CSF2RB: variants seen among roughly 807,000 people sequenced by gnomAD.
The protein encoded by CSF2RB is colony stimulating factor 2 receptor subunit beta, also known as cytokine receptor common subunit beta.
In CSF2RB, 22 loss-of-function variants were observed where a neutral mutation model predicts 67.2. That is an observed-to-expected ratio of 0.33 (90% confidence interval 0.23 to 0.47). The LOEUF is 0.47. Among genes scored for constraint, CSF2RB ranks in the 20% least tolerant of loss-of-function variants. The pLI is 1.00. For synonymous variants in CSF2RB, 507 were observed against 482.9 expected, an observed-to-expected ratio of 1.05 and a Z score of -0.65; for missense variants, 1,113 against 1,174.5, an observed-to-expected ratio of 0.95 and a Z score of 0.76.
In CSF2RB at chr22:36,939,557, T is replaced by C; in HGVS notation, c.*1055T>C. The stretch of plus-strand genomic sequence containing the variant: ...TTCAGATACAGGAAAAATAATGGCA[T>C]TAAATTGCTTTAATTTGCATTATTT... On this transcript the variant is annotated 3_prime_UTR_variant, in exon 14 of 14. Transcript: ENST00000403662. 3.5e-6 allele frequency: 1 copy of C among 286,728 alleles called. No individual in the cohort carries two copies. The allele number at this position is 286,728 out of a possible 1,614,324, so 17.8% of individuals were successfully genotyped here. A position where few individuals can be genotyped will look rare whatever the true frequency, so the allele number is the denominator to read the frequency against.
rs992036433 is a variant in CSF2RB, at chr22:36,930,021, C to T, written c.718+214C>T. 4.6e-5 allele frequency among the ~76,000 whole-genome samples: 7 copies of T among 152,222 alleles called. No individual in the cohort carries two copies. The East Asian group carries it at 5.8e-4, about 13-fold the overall frequency. On this transcript the variant is annotated intron_variant, in intron 6 of 13. Coordinates refer to ENST00000403662, the MANE Select transcript of CSF2RB (RefSeq NM_000395.3). ...CACTTTGGGTTTCCAGTTTTCTGCACGTTCTCTGCCAATGGCAATTACAAT... is the reference window on the plus strand; with the variant it reads ...CACTTTGGGTTTCCAGTTTTCTGCATGTTCTCTGCCAATGGCAATTACAAT...
rs201530975 is a variant in CSF2RB, at chr22:36,937,564, A to G, written c.1756A>G (p.Ser586Gly). 4 of 1,612,236 alleles carry G rather than the reference A, an allele frequency of 2.5e-6. No individual in the cohort carries two copies. Among genetic ancestry groups the G allele is most frequent in the Admixed American group, 3.3e-5 (2 of 59,746 alleles). The change falls in exon 14 of 14, where the codon AGC (serine) becomes GGC (glycine). Residue 586 changes from serine (S) to glycine (G), a missense_variant. This residue lies in a region of CSF2RB where 554 missense variants were observed against 517.9 expected (regional missense o/e 1.07). Transcript: ENST00000403662. This position sits in a 1 kb window ranked among gnomAD's most constrained non-coding sequence, Gnocchi z 4.6. ...CCACACACCTGAGAAACAGGCTTCC[A>G]GCTTTGACTTCAATGGGCCCTACCT... ...ASHTPEKQAS[S>G]FDFNGPYLGP...
At chr22:36,928,534 T>C (rs1241210629) in intron 4 of CSF2RB, among the ~76,000 whole-genome samples, 1 of 152,310 alleles carries the variant, frequency 6.6e-6, no homozygotes, top group East Asian at 1.9e-4. Flanking sequence ...ATCCTATGTG[T>C]GAGGATGTTT....
chr22:36,923,434 G>T, intron 3 of CSF2RB, 67 bp downstream of exon 3: 1 of 1,579,256 alleles, frequency 6.3e-7, no homozygotes, highest in South Asian at 1.1e-5. Flanking sequence ...GGCATGGGGC[G>T]ACAGTGTAGA....
chr22:36,922,792 A>G lies in CSF2RB; in HGVS notation c.77-452A>G, dbSNP rs573758743. On this transcript the variant is annotated intron_variant, in intron 2 of 13. Coordinates refer to ENST00000403662, the MANE Select transcript of CSF2RB (RefSeq NM_000395.3). ...GCTTCTGTGATAATGCTGGGACCAC[A>G]GTCCCCTTAACAAATACCAGGCTCC... 4.5e-4 allele frequency: 131 copies of G among 290,786 alleles called. 1 individual carries two copies. The highest frequency in any genetic ancestry group is 6.6e-4 in the Non-Finnish European group (98 of 149,618). 18.0% of individuals were successfully genotyped at this position (290,786 alleles called of 1,614,324 possible). A position where few individuals can be genotyped will look rare whatever the true frequency, so the allele number is the denominator to read the frequency against.
chr22:36,933,503 A>G (rs1534882), intron 9 of CSF2RB, among the ~76,000 whole-genome samples: 104,865 of 152,072 alleles, frequency 0.69, 36,746 homozygotes, highest in East Asian at 0.87. Context: ...CTGCGTTCCT[A>G]AAAAGGCCAC....
In CSF2RB at chr22:36,939,408, T is replaced by C; in HGVS notation, c.*906T>C. 3 of 606,724 alleles carry C rather than the reference T, an allele frequency of 4.9e-6. No homozygotes were observed. The highest frequency in any genetic ancestry group is 2.8e-4 in the Middle Eastern group (1 of 3,586). The allele number at this position is 606,724 out of a possible 1,614,324, so 37.6% of individuals were successfully genotyped here. A position where few individuals can be genotyped will look rare whatever the true frequency, so the allele number is the denominator to read the frequency against. ...TATGCTTTAGGGCCTTTGGTCCAAA[T>C]GGCCCGGGTGGCCACTCTTCCAGAT... is the stretch of plus-strand genomic sequence containing the variant. On this transcript the variant is annotated 3_prime_UTR_variant, in exon 14 of 14. Coordinates refer to ENST00000403662, the MANE Select transcript of CSF2RB (RefSeq NM_000395.3).
intron 2 of CSF2RB, chr22:36,922,823 A>G: frequency 3.3e-6 from 1 of 301,872 alleles, no homozygotes; most frequent in South Asian, 3.3e-5. Flanking sequence ...GCTCCTGAGG[A>G]CGGGGACTAG....
chr22:36,937,656 G>A lies in CSF2RB; in HGVS notation c.1848G>A (p.Gly616=). 1 of 1,555,678 alleles carries A rather than the reference G, an allele frequency of 6.4e-7. No individual in the cohort carries two copies. Among genetic ancestry groups the A allele is most frequent in the Non-Finnish European group, 8.7e-7 (1 of 1,149,274 alleles). The part of the protein sequence containing the change: ...LGQPEPPQEG[G]SQKSPPPGSL... ...AGCCGGAGCCCCCACAGGAGGGTGG[G>A]AGCCAGAAGTCCCCACCTCCAGGGT... The change falls in exon 14 of 14, where the codon GGG becomes GGA. Residue 616 remains glycine, a synonymous_variant. Coordinates refer to ENST00000403662, the MANE Select transcript of CSF2RB (RefSeq NM_000395.3). The surrounding 1 kb of genome is among the most constrained non-coding windows in gnomAD (Gnocchi z 4.6).
chr22:36,929,319 T>C, intron 4 of CSF2RB, 83 bp from the exon 5 acceptor site: 3 of 1,593,344 alleles, frequency 1.9e-6, no homozygotes, highest in Non-Finnish European at 2.6e-6. Context: ...TGGAACCCCC[T>C]GTGTCCACAC....
Position 36,938,789 on chromosome 22 carries a change from A to G in CSF2RB, c.*287A>G, listed in dbSNP as rs1941330112. On this transcript the variant is annotated 3_prime_UTR_variant, in exon 14 of 14. Transcript: ENST00000403662. ...AGAACTTTCTAGATATACTCATTCC[A>G]TCTCCCCCTCATTTTTTTAATCAGG... is the stretch of plus-strand genomic sequence containing the variant. The G allele has an allele frequency of 1.8e-6, 1 of 541,356 alleles. No individual in the cohort carries two copies. The highest frequency in any genetic ancestry group is 1.9e-5 in the African/African-American group (1 of 53,040). 33.5% of individuals were successfully genotyped at this position (541,356 alleles called of 1,614,324 possible). A position where few individuals can be genotyped will look rare whatever the true frequency, so the allele number is the denominator to read the frequency against.
Position 36,938,589 on chromosome 22 carries a change from G to C in CSF2RB, c.*87G>C. 1.4e-6 allele frequency: 2 copies of C among 1,417,696 alleles called. No homozygotes were observed. The highest frequency in any genetic ancestry group is 1.9e-6 in the Non-Finnish European group (2 of 1,054,382). 87.8% of individuals were successfully genotyped at this position (1,417,696 alleles called of 1,614,324 possible). A position where few individuals can be genotyped will look rare whatever the true frequency, so the allele number is the denominator to read the frequency against. On this transcript the variant is annotated 3_prime_UTR_variant, in exon 14 of 14. Coordinates refer to ENST00000403662, the MANE Select transcript of CSF2RB (RefSeq NM_000395.3). ...TCCTCAGTCATTTCTGCAAAGCCAAGGGGCAGCCTCCTGTCAAGGTAGCTA... is the reference window on the plus strand; with the variant it reads ...TCCTCAGTCATTTCTGCAAAGCCAACGGGCAGCCTCCTGTCAAGGTAGCTA...
At chr22:36,926,223 C>A in intron 4 of CSF2RB, 46 bp downstream of exon 4, 1 of 1,593,088 alleles carries the variant, frequency 6.3e-7, no homozygotes, top group Non-Finnish European at 8.6e-7. Flanking sequence ...CCTGTGTGGA[C>A]AGCGGGGGCA....
chr22:36,932,434 CAAA>C lies in CSF2RB; in HGVS notation c.1013-313_1013-311del, dbSNP rs55664200. ...TGGGCAACAGAGTGAGACTCCGTCTCAAAAAAAAAAAAAAAAAAAATAGCCAGT... is the reference window on the plus strand; with the variant it reads ...TGGGCAACAGAGTGAGACTCCGTCTCAAAAAAAAAAAAAAAAATAGCCAGT... On this transcript the variant is annotated intron_variant, in intron 8 of 13. Coordinates refer to ENST00000403662, the MANE Select transcript of CSF2RB (RefSeq NM_000395.3). 4.2e-3 allele frequency among the ~76,000 whole-genome samples: 453 copies of C among 107,384 alleles called. 2 individuals carry two copies. Among genetic ancestry groups the C allele is most frequent in the South Asian group, 9.7e-3 (32 of 3,300 alleles). 70.4% of individuals were successfully genotyped at this position (107,384 alleles called of 152,430 possible).
At chr22:36,924,300 G>A (rs1287221585) in intron 3 of CSF2RB, among the ~76,000 whole-genome samples, 1 of 144,176 alleles carries the variant, frequency 6.9e-6, no homozygotes, top group African/African-American at 2.6e-5. Flanking sequence ...GCCGGGGCCT[G>A]GGCCTGGACC....
chr22:36,934,099 G>T, intron 10 of CSF2RB, 105 bp downstream of exon 10: 1 of 1,452,950 alleles, frequency 6.9e-7, no homozygotes, highest in South Asian at 1.2e-5. Context: ...GCAACAACTT[G>T]TAGGTGAGCC....
chr22:36,936,483 C>A, intron 12 of CSF2RB, 66 bp from the exon 13 acceptor site: 1 of 1,308,864 alleles, frequency 7.6e-7, no homozygotes, highest in Non-Finnish European at 1.1e-6. Flanking sequence ...ACCCCCGTCA[C>A]CCTCTGCCTT....
intron 3 of CSF2RB, 104 bp downstream of exon 3, chr22:36,923,471 G>T (rs968965487): frequency 6.6e-7 from 1 of 1,505,482 alleles, no homozygotes; most frequent in African/African-American, 1.4e-5. Flanking sequence ...CAGCCTCGGG[G>T]TGGGAGTGGA....
At position 36,923,345 on chromosome 22, in the gene CSF2RB, A is replaced by G. The variant is rs1940925928; in HGVS notation, c.178A>G (p.Thr60Ala). ...TQDAQRLVNVTLIRRVNEDLL... is the reference protein window; with the variant it reads ...TQDAQRLVNVALIRRVNEDLL... ...GGATGCCCAGCGGCTCGTCAACGTG[A>G]CCCTCATTCGCCGGGTGAATGAGTG... Residue 60 changes from threonine to alanine, a missense_variant, in exon 3 of 14, where the codon ACC becomes GCC. This residue lies in a region of CSF2RB where 559 missense variants were observed against 656.5 expected (regional missense o/e 0.85). Transcript: ENST00000403662. 7.4e-6 allele frequency: 12 copies of G among 1,613,848 alleles called. No homozygotes were observed. Among genetic ancestry groups the G allele is most frequent in the Non-Finnish European group, 1.0e-5 (12 of 1,179,962 alleles).
Sources: allele counts gnomAD v4.1 joint callset (sites outside exome capture counted in the v4.1 genomes callset), GRCh38; gene constraint gnomAD v4.1.1; regional missense constraint gnomAD v4.1.1; non-coding constraint Gnocchi (gnomAD v3.1); transcripts MANE v1.5; gene names NCBI Gene and HGNC (gene_info 2026-07-23, HGNC 2026-07-21).